MSI2: variants seen among roughly 807,000 people sequenced by gnomAD.
The protein encoded by MSI2 is RNA-binding protein Musashi homolog 2.
In MSI2, 17 loss-of-function variants were observed where a neutral mutation model predicts 45.6. The ratio of observed to expected loss-of-function variants is 0.37; its 90% CI spans 0.26 to 0.56. MSI2 has a LOEUF of 0.56. Among genes scored for constraint, MSI2 ranks in the 20% least tolerant of loss-of-function variants. The pLI is 0.77. For synonymous variants in MSI2, 156 were observed against 158.2 expected, an observed-to-expected ratio of 0.99 and a Z score of 0.11; for missense variants, 293 against 444.2, an observed-to-expected ratio of 0.66 and a Z score of 3.06.
At chr17:57,631,911 C>G (rs938195701) in intron 10 of MSI2, 112 of 1,574,430 alleles carry the variant, frequency 7.1e-5, no homozygotes, top group East Asian at 2.3e-5. Flanking sequence ...GGGCTGCCCC[C>G]GCTCCAGTCA....
At chr17:57,589,245 G>C (rs1187219748) in intron 7 of MSI2, among the ~76,000 whole-genome samples, 1 of 152,224 alleles carries the variant, frequency 6.6e-6, no homozygotes, top group Non-Finnish European at 1.5e-5. Context: ...TGAAGCCAAA[G>C]TATTGTGCAG....
intron 6 of MSI2, among the ~76,000 whole-genome samples, chr17:57,409,680 A>T (rs1054808337): frequency 6.6e-6 from 1 of 152,102 alleles, no homozygotes; most frequent in Non-Finnish European, 1.5e-5. Flanking sequence ...AATGTTGATG[A>T]TTACTTGGTA....
intron 9 of MSI2, among the ~76,000 whole-genome samples, chr17:57,625,325 C>T (rs950805955): frequency 2.6e-5 from 4 of 152,218 alleles, no homozygotes; most frequent in Non-Finnish European, 5.9e-5. Flanking sequence ...TGATCCTAGG[C>T]AGAGGCTACA....
intron 6 of MSI2, among the ~76,000 whole-genome samples, chr17:57,493,776 C>T (rs902004568): frequency 2.0e-5 from 3 of 151,988 alleles, no homozygotes; most frequent in African/African-American, 4.8e-5. Context: ...TAGGAGGTAG[C>T]CTTGCTCTTC....
intron 11 of MSI2, among the ~76,000 whole-genome samples, chr17:57,653,837 C>G (rs1371368841): frequency 6.6e-6 from 1 of 152,098 alleles, no homozygotes; most frequent in Non-Finnish European, 1.5e-5. Context: ...CGGTCTGTGC[C>G]CCCTTCTGCC....
chr17:57,568,917 C>T (rs1165824510), intron 7 of MSI2, among the ~76,000 whole-genome samples: 1 of 152,164 alleles, frequency 6.6e-6, no homozygotes. Flanking sequence ...CTGGGCCTGG[C>T]TGGTACCGGG....
intron 6 of MSI2, among the ~76,000 whole-genome samples, chr17:57,494,915 C>T (rs1223298602): frequency 6.6e-6 from 1 of 151,736 alleles, no homozygotes. Context: ...GGATAAACAG[C>T]AAAAATATAC....
At chr17:57,466,306 T>G (rs1158110539) in intron 6 of MSI2, among the ~76,000 whole-genome samples, 1 of 152,204 alleles carries the variant, frequency 6.6e-6, no homozygotes, top group Non-Finnish European at 1.5e-5. Context: ...TTCTTTACAC[T>G]TGCTGGTAAC....
chr17:57,473,892 C>T (rs1363067987), intron 6 of MSI2, among the ~76,000 whole-genome samples: 5 of 152,160 alleles, frequency 3.3e-5, no homozygotes, highest in Non-Finnish European at 7.3e-5. Flanking sequence ...TCCGCTTAGC[C>T]CCAGCAGACT....
chr17:57,339,410 C>T (rs1421903981), intron 5 of MSI2, among the ~76,000 whole-genome samples: 1 of 152,202 alleles, frequency 6.6e-6, no homozygotes, highest in African/African-American at 2.4e-5. Flanking sequence ...CACTGACCAT[C>T]CTTCAGCTCC....
chr17:57,294,973 C>T (rs180898484), intron 5 of MSI2, among the ~76,000 whole-genome samples: 3 of 152,040 alleles, frequency 2.0e-5, no homozygotes, highest in South Asian at 2.1e-4. Flanking sequence ...GATCAGCGGG[C>T]GAAGGATGCT....
At chr17:57,391,725 T>C (rs923328223) in intron 5 of MSI2, among the ~76,000 whole-genome samples, 2 of 152,188 alleles carry the variant, frequency 1.3e-5, no homozygotes, top group Non-Finnish European at 2.9e-5. Flanking sequence ...GGCTCTTTCT[T>C]TCCCACCTCT....
chr17:57,640,505 A>T (rs1469962519), intron 10 of MSI2, among the ~76,000 whole-genome samples: 1 of 152,250 alleles, frequency 6.6e-6, no homozygotes, highest in East Asian at 1.9e-4. Context: ...TTATTATTCC[A>T]CTTACCAAGC....
chr17:57,589,784 A>C (rs1192301461), intron 7 of MSI2, among the ~76,000 whole-genome samples: 1 of 152,212 alleles, frequency 6.6e-6, no homozygotes, highest in Non-Finnish European at 1.5e-5. Context: ...TCCTGGGTTC[A>C]GTTCCTGCCT....
chr17:57,335,773 TGTGA>T (rs1315933897), intron 5 of MSI2, among the ~76,000 whole-genome samples: 1 of 152,100 alleles, frequency 6.6e-6, no homozygotes, highest in Non-Finnish European at 1.5e-5. Context: ...ACAAGGCCCT[TGTGA>T]GTGCTCTTCA....
rs74464863 is a variant in MSI2, at chr17:57,303,845, C to T, written c.312+41653C>T. On this transcript the variant is annotated intron_variant, in intron 5 of 13. Coordinates refer to ENST00000284073, the MANE Select transcript of MSI2 (RefSeq NM_138962.4). ...CGTAATGGGCCGTCACACAAGGTGT[C>T]GTGTGGTTAATTGTCAAAGGAAGTA... 4.8e-3 allele frequency among the ~76,000 whole-genome samples: 728 copies of T among 152,232 alleles called. 5 individuals carry two copies. Among genetic ancestry groups the T allele is most frequent in the Non-Finnish European group, 7.2e-3 (493 of 68,004 alleles).
At chr17:57,379,174 C>T (rs991714122) in intron 5 of MSI2, among the ~76,000 whole-genome samples, 4 of 151,262 alleles carry the variant, frequency 2.6e-5, no homozygotes, top group East Asian at 1.9e-4. Flanking sequence ...GTTGTGATCT[C>T]GTGTGGCCCT....
chr17:57,413,160 C>T (rs1387756558), intron 6 of MSI2, among the ~76,000 whole-genome samples: 3 of 152,278 alleles, frequency 2.0e-5, no homozygotes, highest in African/African-American at 7.2e-5. Context: ...TTTATATACA[C>T]ACACACACAC....
At chr17:57,610,335 C>T (rs1489099211) in intron 8 of MSI2, among the ~76,000 whole-genome samples, 1 of 152,028 alleles carries the variant, frequency 6.6e-6, no homozygotes, top group East Asian at 1.9e-4. Flanking sequence ...ACCTATAGTC[C>T]CAGCTACTCG....
Sources: gnomAD v4.1 joint callset for allele counts (sites outside exome capture counted in the v4.1 genomes callset) on GRCh38, gnomAD v4.1.1 for gene constraint, MANE v1.5 for transcripts, NCBI Gene and HGNC (gene_info 2026-07-23, HGNC 2026-07-21) for gene names.